Variants in DOCK8 observed in about 807,000 individuals in gnomAD.
DOCK8 encodes dedicator of cytokinesis 8, also known as dedicator of cytokinesis protein 8.
DOCK8 carries 141 observed loss-of-function variants against 245.6 expected under a neutral mutation model. The observed-to-expected ratio is 0.57, with a 90% CI of 0.50 to 0.66. The LOEUF (loss-of-function observed/expected upper bound fraction) is 0.66. Among genes scored for constraint, DOCK8 ranks in the 30% least tolerant of loss-of-function variants. DOCK8 has a pLI of 0.00. For synonymous variants in DOCK8, 1,168 were observed against 970.2 expected, an observed-to-expected ratio of 1.20 and a Z score of -3.79; for missense variants, 2,965 against 2,603.4, an observed-to-expected ratio of 1.14 and a Z score of -3.02.
Position 328,123 on chromosome 9 carries a change from A to G in DOCK8, c.996A>G (p.Ala332=), listed in dbSNP as rs749719084. ...CCGCATCAAGTCAGGCGAGATCTGC[A>G]GTCTTCTCAGTCACCTACCCGTCCT... ...SVAASSQARS[A]VFSVTYPSSD... Residue 332 remains alanine (A), a synonymous_variant, in exon 9 of 48, where the codon GCA becomes GCG. Coordinates refer to ENST00000432829, the MANE Select transcript of DOCK8 (RefSeq NM_203447.4). 1 of 1,614,204 alleles carries G rather than the reference A, an allele frequency of 6.2e-7. No individual in the cohort carries two copies. The highest frequency in any genetic ancestry group is 1.7e-5 in the Admixed American group (1 of 60,032).
rs192962194 is a variant in DOCK8, at chr9:340,533, A to G, written c.1679+212A>G. The G allele has an allele frequency of 2.3e-3, 1,304 of 556,812 alleles. 23 individuals carry two copies. The highest frequency in any genetic ancestry group is 0.021 in the African/African-American group (1,140 of 53,326). 34.5% of individuals were successfully genotyped at this position (556,812 alleles called of 1,614,324 possible). On this transcript the variant is annotated intron_variant, in intron 14 of 47. Coordinates refer to ENST00000432829, the MANE Select transcript of DOCK8 (RefSeq NM_203447.4). ...CAACTTGGCAGGCTGAGGCAGGAGA[A>G]TCGCTTGAACCCAGGAGGCAGAGGT...
chr9:256,625 T>G (rs551373123), intron 1 of DOCK8, among the ~76,000 whole-genome samples: 16 of 152,266 alleles, frequency 1.1e-4, no homozygotes, highest in African/African-American at 3.9e-4. Flanking sequence ...TTGTGAAGAA[T>G]TTTTCCCTCA....
At chr9:260,417 A>G (rs560801966) in intron 1 of DOCK8, among the ~76,000 whole-genome samples, 1 of 152,266 alleles carries the variant, frequency 6.6e-6, no homozygotes, top group Non-Finnish European at 1.5e-5. Flanking sequence ...CAGGATAGTT[A>G]CAGATAACAA....
chr9:411,829 A>G (rs879434224), intron 28 of DOCK8, among the ~76,000 whole-genome samples: 3 of 152,222 alleles, frequency 2.0e-5, no homozygotes, highest in Admixed American at 6.5e-5. Flanking sequence ...ATAAAGGACA[A>G]AACCCATACA....
chr9:387,025 C>T (rs990762295), intron 23 of DOCK8, among the ~76,000 whole-genome samples: 1 of 152,142 alleles, frequency 6.6e-6, no homozygotes, highest in African/African-American at 2.4e-5. Context: ...TAGTCCCAGC[C>T]TATGTGGTCT....
At position 339,071 on chromosome 9, in the gene DOCK8, C is replaced by G. The variant is rs772877274; in HGVS notation, c.1488C>G (p.Ser496=). 1.9e-6 allele frequency: 3 copies of G among 1,614,106 alleles called. No homozygotes were observed. The highest frequency in any genetic ancestry group is 2.5e-6 in the Non-Finnish European group (3 of 1,179,982). Residue 496 remains serine, a synonymous_variant, in exon 13 of 48, where the codon TCC becomes TCG. Transcript: ENST00000432829. The part of the protein sequence containing the change: ...KFLADYKRSS[S]LQRRVKSIPG... ...TAGCTGACTACAAAAGATCATCATC[C>G]TTACAGAGACGAGTCAAGTCAATTC...
At chr9:214,183 G>A, upstream of DOCK8, 1 of 335,760 alleles carries the variant, frequency 3.0e-6, no homozygotes, top group Non-Finnish European at 5.5e-6. Context: ...TTTTTATCTT[G>A]AGTTTGAGGC....
At chr9:280,724 G>C (rs1027555940) in intron 2 of DOCK8, 13 of 152,134 alleles carry the variant, frequency 8.5e-5, no homozygotes, top group African/African-American at 3.1e-4. Context: ...CTAAATGACT[G>C]ATGATGTAAC....
intron 7 of DOCK8, 83 bp from the exon 8 acceptor site, chr9:325,588 C>T (rs1329343789): frequency 1.8e-6 from 2 of 1,117,454 alleles, no homozygotes; most frequent in East Asian, 4.7e-5. Flanking sequence ...TATTTTTAAC[C>T]AGTTTATCTA....
intron 26 of DOCK8, among the ~76,000 whole-genome samples, chr9:400,947 TCACCACCACCACCAC>T (rs751022932): frequency 0.056 from 1,598 of 28,522 alleles, 288 homozygotes; most frequent in African/African-American, 0.07. Context: ...ACCACCACCA[TCACCACCACCACCAC>T]CACCTCCTCC....
At chr9:423,023 A>C (rs1006221465) in intron 33 of DOCK8, among the ~76,000 whole-genome samples, 5 of 151,152 alleles carry the variant, frequency 3.3e-5, no homozygotes, top group African/African-American at 9.7e-5. Flanking sequence ...ATCTCTGATG[A>C]CATATAGTCA....
At chr9:313,934 T>C (rs1322753376) in intron 6 of DOCK8, among the ~76,000 whole-genome samples, 1 of 152,216 alleles carries the variant, frequency 6.6e-6, no homozygotes, top group Non-Finnish European at 1.5e-5. Flanking sequence ...TTACTACTTG[T>C]CAATTAAAAA....
At chr9:336,932 A>G (rs2051339338) in intron 12 of DOCK8, among the ~76,000 whole-genome samples, 1 of 152,192 alleles carries the variant, frequency 6.6e-6, no homozygotes, top group African/African-American at 2.4e-5. Context: ...TGAAAAATCC[A>G]AAGTTGAGGG....
intron 23 of DOCK8, among the ~76,000 whole-genome samples, chr9:388,893 G>A (rs544590557): frequency 6.6e-6 from 1 of 152,204 alleles, no homozygotes; most frequent in African/African-American, 2.4e-5. Context: ...AGCAATGTTT[G>A]CTGTAATCAG....
chr9:220,439 A>C (rs191632507), intron 1 of DOCK8, among the ~76,000 whole-genome samples: 6 of 152,258 alleles, frequency 3.9e-5, no homozygotes, highest in African/African-American at 1.4e-4. Flanking sequence ...GGGAAAGATG[A>C]AGAACTCAGG....
intron 1 of DOCK8, chr9:215,558 C>A: frequency 9.5e-7 from 1 of 1,055,966 alleles, no homozygotes; most frequent in Non-Finnish European, 1.3e-6. Context: ...CTCCTGGTGG[C>A]ATCGCTATTT....
rs113126581 is a variant in DOCK8 at position 409,214 on chromosome 9, G to A, written c.3530+2145G>A. Among the ~76,000 whole-genome samples, 1,103 of 152,218 alleles carry A rather than the reference G, an allele frequency of 7.2e-3. 6 individuals are homozygous for A. Among genetic ancestry groups the A allele is most frequent in the African/African-American group, 0.025 (1,026 of 41,522 alleles). On this transcript the variant is annotated intron_variant, in intron 28 of 47. Transcript: ENST00000432829. ...ATCTCAGTACCTGAACCCCTAGGGA[G>A]CTACAGCTCCAGTTTCCACTGGGTT...
intron 5 of DOCK8, among the ~76,000 whole-genome samples, chr9:307,851 T>C (rs961825973): frequency 6.6e-6 from 1 of 152,206 alleles, no homozygotes; most frequent in Non-Finnish European, 1.5e-5. Context: ...AAAGAAAATG[T>C]GGTATGTATA....
chr9:351,146 T>G (rs4740723), intron 14 of DOCK8, among the ~76,000 whole-genome samples: 105,549 of 151,990 alleles, frequency 0.69, 37,088 homozygotes, highest in East Asian at 0.82. Flanking sequence ...AGGGTCGGGG[T>G]TCCACCGGGA....
Sources: allele counts gnomAD v4.1 joint callset (sites outside exome capture counted in the v4.1 genomes callset), GRCh38; gene constraint gnomAD v4.1.1; transcripts MANE v1.5; gene names NCBI Gene and HGNC (gene_info 2026-07-23, HGNC 2026-07-21).